The following MTHFD2 variants were observed in gnomAD, a reference collection of about 807,000 sequenced individuals.
MTHFD2 encodes the protein methylenetetrahydrofolate dehydrogenase (NADP+ dependent) 2, methenyltetrahydrofolate cyclohydrolase.
In MTHFD2, 26 loss-of-function variants were observed where a neutral mutation model predicts 36.8. The observed-to-expected ratio is 0.71, with a 90% confidence interval of 0.52 to 0.98. The LOEUF (loss-of-function observed/expected upper bound fraction) is 0.98, where lower values mean the gene tolerates loss of function less well. Ranked by LOEUF, MTHFD2 falls within the 50% of genes least tolerant of loss-of-function variation. The pLI, the probability that MTHFD2 is intolerant of heterozygous loss-of-function variation, is 0.00. For synonymous variants in MTHFD2, 164 were observed against 155.2 expected, an observed-to-expected ratio of 1.06 and a Z score of -0.42; for missense variants, 373 against 434.0, an observed-to-expected ratio of 0.86 and a Z score of 1.25.
chr2:74,208,781 G>T, intron 4 of MTHFD2, 60 bp downstream of exon 4: 1 of 1,546,336 alleles, frequency 6.5e-7, no homozygotes, highest in Non-Finnish European at 8.9e-7. Flanking sequence ...ACTGGCAAAT[G>T]GTAAAAACTC....
chr2:74,200,382 C>T (rs564904873), intron 1 of MTHFD2, among the ~76,000 whole-genome samples: 45 of 152,346 alleles, frequency 3.0e-4, no homozygotes, highest in Non-Finnish European at 4.4e-5. Context: ...TAAGCTTCAT[C>T]CACATCTCTG....
intron 6 of MTHFD2, 103 bp from the exon 7 acceptor site, chr2:74,211,638 T>G: frequency 9.0e-7 from 1 of 1,109,944 alleles, no homozygotes; most frequent in South Asian, 2.3e-5. Context: ...TAATAAAACA[T>G]GTTGATTAGT....
Position 74,215,212 on chromosome 2 carries a change from A to G in MTHFD2, c.*970A>G, listed in dbSNP as rs1694407927. 1 of 152,562 alleles carries G rather than the reference A, an allele frequency of 6.6e-6. No individual in the cohort carries two copies. The highest frequency in any genetic ancestry group is 1.5e-5 in the Non-Finnish European group (1 of 68,026). 9.5% of individuals were successfully genotyped at this position (152,562 alleles called of 1,614,324 possible). Reference sequence around the variant, plus strand: ...AAATTTTTTAAGAGTTTGAGTTACTATTGAATTTAATCAGACTTTCTGATT... The same window carrying G: ...AAATTTTTTAAGAGTTTGAGTTACTGTTGAATTTAATCAGACTTTCTGATT... On this transcript the variant is annotated 3_prime_UTR_variant, in exon 8 of 8. Coordinates refer to ENST00000394053, the MANE Select transcript of MTHFD2 (RefSeq NM_006636.4).
intron 7 of MTHFD2, 118 bp downstream of exon 7, chr2:74,211,984 CTG>C (rs1217677428): frequency 1.2e-6 from 1 of 860,078 alleles, no homozygotes; most frequent in African/African-American, 2.1e-5. Context: ...GAGTCTCACT[CTG>C]TTGCCCAGGC....
intron 1 of MTHFD2, among the ~76,000 whole-genome samples, chr2:74,202,830 A>G (rs1372986651): frequency 6.6e-6 from 1 of 152,012 alleles, no homozygotes; most frequent in Admixed American, 6.6e-5. Flanking sequence ...CCGGCCTGCA[A>G]AACCCTTTTA....
Position 74,214,430 on chromosome 2 carries a change from C to G in MTHFD2, c.*188C>G. 2 of 515,550 alleles carry G rather than the reference C, an allele frequency of 3.9e-6. No homozygotes were observed. The highest frequency in any genetic ancestry group is 4.6e-5 in the South Asian group (2 of 43,076). The allele number at this position is 515,550 out of a possible 1,614,324, so 31.9% of individuals were successfully genotyped here. A position where few individuals can be genotyped will look rare whatever the true frequency, so the allele number is the denominator to read the frequency against. On this transcript the variant is annotated 3_prime_UTR_variant, in exon 8 of 8. Coordinates refer to ENST00000394053, the MANE Select transcript of MTHFD2 (RefSeq NM_006636.4). ...TGCAGTACCTCACCAGGGAGCATTC[C>G]AGTATCATGCAGGGTCCTGTGATCT... is the stretch of plus-strand genomic sequence containing the variant.
intron 6 of MTHFD2, 56 bp downstream of exon 6, chr2:74,211,347 C>T: frequency 8.7e-7 from 1 of 1,153,506 alleles, no homozygotes; most frequent in Non-Finnish European, 1.3e-6. Context: ...GGAGGTTGTA[C>T]CCCTCATCTT....
At chr2:74,206,840 C>G (rs1694193470) in intron 2 of MTHFD2, among the ~76,000 whole-genome samples, 1 of 152,126 alleles carries the variant, frequency 6.6e-6, no homozygotes, top group Non-Finnish European at 1.5e-5. Flanking sequence ...TACCGAGTAG[C>G]TGGGATTATA....
chr2:74,205,103 G>A (rs1284387391), intron 1 of MTHFD2, among the ~76,000 whole-genome samples: 4 of 151,898 alleles, frequency 2.6e-5, no homozygotes, highest in South Asian at 2.1e-4. Context: ...GATTACAAAC[G>A]TGAGCCATCG....
At chr2:74,208,472 AG>A (rs758101916) in intron 3 of MTHFD2, 96 bp from the exon 4 acceptor site, 30 of 1,385,236 alleles carry the variant, frequency 2.2e-5, no homozygotes, top group Non-Finnish European at 2.8e-5. Context: ...GGCAAGCTGT[AG>A]AAGAATAGAT....
chr2:74,205,591 G>C, intron 1 of MTHFD2, 114 bp from the exon 2 acceptor site: 1 of 1,202,394 alleles, frequency 8.3e-7, no homozygotes, highest in Non-Finnish European at 1.2e-6. Flanking sequence ...CCATCCTCCT[G>C]CCCCGGCCTC....
In MTHFD2 at chr2:74,211,273, A is replaced by G. The variant is rs1171967759; in HGVS notation, c.745A>G (p.Ile249Val). Residue 249 changes from isoleucine to valine, a missense_variant, in exon 6 of 8, where the codon ATT becomes GTT. Coordinates refer to ENST00000394053, the MANE Select transcript of MTHFD2 (RefSeq NM_006636.4). ...QLKKHTILAD[I>V]VISAAGIPNL... Reference sequence around the variant, plus strand: ...GAAGAAACATACAATTCTTGCAGATATTGTAATATCTGCTGCAGGTAAGAA... The same window carrying G: ...GAAGAAACATACAATTCTTGCAGATGTTGTAATATCTGCTGCAGGTAAGAA... 2.5e-6 allele frequency: 4 copies of G among 1,603,920 alleles called. No individual in the cohort carries two copies. The highest frequency in any genetic ancestry group is 1.7e-6 in the Non-Finnish European group (2 of 1,171,818).
intron 4 of MTHFD2, among the ~76,000 whole-genome samples, chr2:74,209,301 G>A (rs1694253630): frequency 6.6e-6 from 1 of 150,676 alleles, no homozygotes; most frequent in Non-Finnish European, 1.5e-5. Context: ...GGAGTGCAGT[G>A]GCGTGATCTC....
In MTHFD2 at chr2:74,214,792, A is replaced by C. The variant is rs907025538; in HGVS notation, c.*550A>C. ...CTGAATTGGCTAGGAAAAAAGAAAA[A>C]CTGCATGTTAATCATTTTCCTAAGC... On this transcript the variant is annotated 3_prime_UTR_variant, in exon 8 of 8. Transcript: ENST00000394053. The C allele has an allele frequency of 1.3e-5, 2 of 152,228 alleles. No homozygotes were observed. Among genetic ancestry groups the C allele is most frequent in the Non-Finnish European group, 2.9e-5 (2 of 68,074 alleles). The allele number at this position is 152,228 out of a possible 1,614,324, so 9.4% of individuals were successfully genotyped here. A position where few individuals can be genotyped will look rare whatever the true frequency, so the allele number is the denominator to read the frequency against.
Position 74,198,795 on chromosome 2 carries a change from C to G in MTHFD2, c.101+53C>G, listed in dbSNP as rs943078313. 4 of 1,472,710 alleles carry G rather than the reference C, an allele frequency of 2.7e-6. No individual in the cohort carries two copies. The African/African-American group carries it at 4.2e-5, about 16-fold the overall frequency. The allele number at this position is 1,472,710 out of a possible 1,614,324, so 91.2% of individuals were successfully genotyped here. ...GCGGAAAGCTGAGGGGAACGGAGGGCGAGGGGCACGCCGGGCCCCCGAGGG... is the reference window on the plus strand; with the variant it reads ...GCGGAAAGCTGAGGGGAACGGAGGGGGAGGGGCACGCCGGGCCCCCGAGGG... On this transcript the variant is annotated intron_variant, in intron 1 of 7. Coordinates refer to ENST00000394053, the MANE Select transcript of MTHFD2 (RefSeq NM_006636.4).
rs1454899167 is a variant in MTHFD2 at position 74,211,873 on chromosome 2, G to A, written c.889+7G>A. 2.9e-5 allele frequency: 46 copies of A among 1,603,036 alleles called. No homozygotes were observed. Among genetic ancestry groups the A allele is most frequent in the Non-Finnish European group, 3.8e-5 (45 of 1,175,278 alleles). On this transcript the variant is annotated splice_region_variant and intron_variant, in intron 7 of 7. Transcript: ENST00000394053. ...GGAGATGTGGATTTTGAAGGTAAAT[G>A]GTGAAATTTTATTTTTAAAAATGAA...
At chr2:74,203,035 C>T (rs977999839) in intron 1 of MTHFD2, among the ~76,000 whole-genome samples, 5 of 152,056 alleles carry the variant, frequency 3.3e-5, no homozygotes, top group Non-Finnish European at 7.4e-5. Flanking sequence ...GAGTCTTGCC[C>T]TGTTACACAG....
At position 74,211,052 on chromosome 2, in the gene MTHFD2, T is replaced by G. The variant is rs142860999; in HGVS notation, c.671-147T>G. The G allele has an allele frequency of 2.6e-3, 1,311 of 498,446 alleles. 34 individuals carry two copies. In the East Asian group the frequency reaches 0.041, roughly 16 times the overall value. The allele number at this position is 498,446 out of a possible 1,614,324, so 30.9% of individuals were successfully genotyped here. On this transcript the variant is annotated intron_variant, in intron 5 of 7. Coordinates refer to ENST00000394053, the MANE Select transcript of MTHFD2 (RefSeq NM_006636.4). ...TGCCCACCTCGGCCTCCCAAAGTGC[T>G]GGGATTACAGGCGTGAGCCACTGCA...
At chr2:74,206,073 A>G in intron 2 of MTHFD2, 184 bp downstream of exon 2, 1 of 540,610 alleles carries the variant, frequency 1.8e-6, no homozygotes, top group South Asian at 2.9e-5. Flanking sequence ...TTTATACAGT[A>G]GGACAGGAGA....
Sources: gnomAD v4.1 joint callset for allele counts (sites outside exome capture counted in the v4.1 genomes callset) on GRCh38, gnomAD v4.1.1 for gene constraint, MANE v1.5 for transcripts, NCBI Gene and HGNC (gene_info 2026-07-23, HGNC 2026-07-21) for gene names.